KIAA0825: variants seen among roughly 807,000 people sequenced by gnomAD.
KIAA0825 encodes the protein KIAA0825, also known as uncharacterized protein KIAA0825.
In KIAA0825, 119 loss-of-function variants were observed where a neutral mutation model predicts 147.6. The ratio of observed to expected loss-of-function variants is 0.81; its 90% CI spans 0.69 to 0.94. The LOEUF is 0.94. KIAA0825 is among the 40% of genes least tolerant of loss of function. The pLI is 0.00. For synonymous variants in KIAA0825, 470 were observed against 518.1 expected, an observed-to-expected ratio of 0.91 and a Z score of 1.26; for missense variants, 1,381 against 1,472.7, an observed-to-expected ratio of 0.94 and a Z score of 1.02.
At chr5:94,481,937 A>G (rs551848579) in intron 6 of KIAA0825, among the ~76,000 whole-genome samples, 2 of 152,186 alleles carry the variant, frequency 1.3e-5, no homozygotes, top group South Asian at 2.1e-4. Context: ...GGAAAAATTG[A>G]GGAATTGCCC....
chr5:94,500,578 C>A (rs1263924992), intron 5 of KIAA0825, among the ~76,000 whole-genome samples: 1 of 151,996 alleles, frequency 6.6e-6, no homozygotes, highest in East Asian at 1.9e-4. Flanking sequence ...CTGGTTTATC[C>A]ATGCGGTGTT....
intron 4 of KIAA0825, among the ~76,000 whole-genome samples, chr5:94,523,089 T>A (rs1012960782): frequency 1.3e-5 from 2 of 151,610 alleles, no homozygotes; most frequent in Admixed American, 1.3e-4. Context: ...TAAAGAGACA[T>A]CTGAAATAAT....
chr5:94,168,324 AG>A (rs1366879522), intron 20 of KIAA0825, among the ~76,000 whole-genome samples: 1 of 152,160 alleles, frequency 6.6e-6, no homozygotes, highest in Non-Finnish European at 1.5e-5. Context: ...ATGCAGTAAA[AG>A]GAATCTTTCC....
chr5:94,356,211 C>T (rs1386886947), intron 20 of KIAA0825, among the ~76,000 whole-genome samples: 1 of 152,080 alleles, frequency 6.6e-6, no homozygotes, highest in Non-Finnish European at 1.5e-5. Flanking sequence ...ATATATAAAT[C>T]ATTTGGTCTT....
chr5:94,437,178 T>C (rs1346280783), intron 14 of KIAA0825, among the ~76,000 whole-genome samples: 1 of 152,118 alleles, frequency 6.6e-6, no homozygotes, highest in Non-Finnish European at 1.5e-5. Flanking sequence ...CATGAGACTT[T>C]AAATCAAATA....
At chr5:94,362,878 T>C (rs770223137) in intron 20 of KIAA0825, among the ~76,000 whole-genome samples, 3 of 152,246 alleles carry the variant, frequency 2.0e-5, no homozygotes, top group African/African-American at 7.2e-5. Flanking sequence ...GTGGGCTATA[T>C]AATGCTTTTG....
chr5:94,204,735 T>C (rs866580447), intron 20 of KIAA0825, among the ~76,000 whole-genome samples: 16 of 152,230 alleles, frequency 1.1e-4, no homozygotes, highest in Middle Eastern at 6.8e-3. Context: ...TTAAAACTAT[T>C]CTCTGACTAA....
rs1327520845 is a variant in KIAA0825, at chr5:94,319,538, C to T, written c.3710+64830G>A. On this transcript the variant is annotated intron_variant, in intron 20 of 20. Coordinates refer to ENST00000682413, the MANE Select transcript of KIAA0825 (RefSeq NM_001145678.3). ...TTTTCCCCAAAACTTGATTCTCTCC[C>T]AGGTTTCCTCATCTCAATAATCATA... Among the ~76,000 whole-genome samples, 3 of 151,904 alleles carry T rather than the reference C, an allele frequency of 2.0e-5. No homozygotes were observed. In the East Asian group the frequency reaches 5.8e-4, roughly 29 times the overall value.
intron 20 of KIAA0825, among the ~76,000 whole-genome samples, chr5:94,374,635 T>G (rs535938694): frequency 2.0e-5 from 3 of 152,282 alleles, no homozygotes; most frequent in Non-Finnish European, 4.4e-5. Context: ...AGTCCATTCC[T>G]ACAAGGCATG....
chr5:94,514,222 A>G (rs989741153), intron 5 of KIAA0825, among the ~76,000 whole-genome samples: 1 of 152,132 alleles, frequency 6.6e-6, no homozygotes, highest in African/African-American at 2.4e-5. Flanking sequence ...GGTATATGTA[A>G]CCAGGTTACT....
intron 7 of KIAA0825, 99 bp downstream of exon 7, chr5:94,477,012 C>T (rs1273089100): frequency 1.2e-6 from 1 of 850,244 alleles, no homozygotes; most frequent in Non-Finnish European, 1.8e-6. Context: ...TTTTTTGTAG[C>T]AAAGGGTAAA....
intron 20 of KIAA0825, among the ~76,000 whole-genome samples, chr5:94,260,970 T>C (rs1776463200): frequency 6.6e-6 from 1 of 152,156 alleles, no homozygotes; most frequent in African/African-American, 2.4e-5. Flanking sequence ...CTGAAAATAA[T>C]ACAGGGTAGA....
intron 20 of KIAA0825, among the ~76,000 whole-genome samples, chr5:94,362,868 G>A (rs1745267596): frequency 1.3e-5 from 2 of 152,186 alleles, no homozygotes; most frequent in South Asian, 4.1e-4. Flanking sequence ...AGTGTATTTT[G>A]TGGGCTATAT....
intron 13 of KIAA0825, among the ~76,000 whole-genome samples, chr5:94,449,329 T>A (rs947098234): frequency 6.6e-6 from 1 of 152,064 alleles, no homozygotes; most frequent in Non-Finnish European, 1.5e-5. Flanking sequence ...GAGAGAGATA[T>A]AATGAAAACA....
chr5:94,240,993 T>C (rs2015009), intron 20 of KIAA0825, among the ~76,000 whole-genome samples: 26,985 of 152,126 alleles, frequency 0.18, 2,780 homozygotes, highest in East Asian at 0.39. Flanking sequence ...CATTTAACAA[T>C]GAAGTTATTG....
At chr5:94,315,025 G>T (rs774091233) in intron 20 of KIAA0825, among the ~76,000 whole-genome samples, 3 of 151,598 alleles carry the variant, frequency 2.0e-5, no homozygotes, top group African/African-American at 4.8e-5. Flanking sequence ...CATGGTAACA[G>T]GCAATAGCTA....
chr5:94,279,127 T>A (rs886822175), intron 20 of KIAA0825, among the ~76,000 whole-genome samples: 1 of 152,098 alleles, frequency 6.6e-6, no homozygotes, highest in Non-Finnish European at 1.5e-5. Context: ...TAACAGGCTG[T>A]AGGAAAAATT....
chr5:94,422,235 A>G (rs949546413), intron 14 of KIAA0825, among the ~76,000 whole-genome samples: 3 of 152,152 alleles, frequency 2.0e-5, no homozygotes, highest in African/African-American at 7.2e-5. Context: ...GTAGGTCATA[A>G]GACCCTCATT....
chr5:94,384,436 A>G lies in KIAA0825; in HGVS notation c.3642T>C (p.Asn1214=). The G allele has an allele frequency of 6.4e-7, 1 of 1,551,888 alleles. No homozygotes were observed. The highest frequency in any genetic ancestry group is 8.7e-7 in the Non-Finnish European group (1 of 1,146,916). Residue 1214 remains asparagine, a synonymous_variant, in exon 20 of 21, where the codon AAT becomes AAC. Coordinates refer to ENST00000682413, the MANE Select transcript of KIAA0825 (RefSeq NM_001145678.3). ...GATAATTTGGCAGCAACTTTGCCCAATTCCAGTTCCATTTTGTGATGGCTG... is the reference window on the plus strand; with the variant it reads ...GATAATTTGGCAGCAACTTTGCCCAGTTCCAGTTCCATTTTGTGATGGCTG... ...DQVSITKWNW[N]WAKLLPNYLR...
Sources: allele counts gnomAD v4.1 joint callset (sites outside exome capture counted in the v4.1 genomes callset), GRCh38; gene constraint gnomAD v4.1.1; transcripts MANE v1.5; gene names NCBI Gene and HGNC (gene_info 2026-07-23, HGNC 2026-07-21).